Variants in ZNF716 observed in about 807,000 individuals in gnomAD.
ZNF716 encodes the protein zinc finger protein 716.
ZNF716 carries 9 observed loss-of-function variants against 13.4 expected under a neutral mutation model. The ratio of observed to expected loss-of-function variants is 0.67; its 90% confidence interval spans 0.41 to 1.18. The LOEUF is 1.18. Ranked by LOEUF, ZNF716 falls within the 50% of genes most tolerant of loss-of-function variation. The pLI, the probability that ZNF716 is intolerant of heterozygous loss-of-function variation, is 0.01. For missense variants in ZNF716, 581 were observed against 576.6 expected, an observed-to-expected ratio of 1.01 and a Z score of -0.08; for synonymous variants, 186 against 195.2, an observed-to-expected ratio of 0.95 and a Z score of 0.39.
rs1287365136 is a variant in ZNF716, at chr7:57,463,261, C to T, written c.262+93C>T. The stretch of plus-strand genomic sequence containing the variant: ...TTAAAATGTGGTCTGGGGAGCTGTA[C>T]TTCGATGGAAGAGTTTCTGAGAAGC... On this transcript the variant is annotated intron_variant, in intron 3 of 3. Coordinates refer to ENST00000420713, the MANE Select transcript of ZNF716 (RefSeq NM_001159279.1). 7.9e-6 allele frequency: 12 copies of T among 1,525,062 alleles called. No homozygotes were observed. In the African/African-American group the frequency reaches 9.8e-5, roughly 12 times the overall value. The allele number at this position is 1,525,062 out of a possible 1,614,324, so 94.5% of individuals were successfully genotyped here.
At chr7:57,462,755 T>C (rs1431571618) in intron 2 of ZNF716, among the ~76,000 whole-genome samples, 169 bp downstream of exon 2, 2 of 152,220 alleles carry the variant, frequency 1.3e-5, no homozygotes. Context: ...TATCTTGACC[T>C]GAACTTTTCC....
chr7:57,469,337 A>G lies in ZNF716; in HGVS notation c.876A>G (p.Gly292=), dbSNP rs879980000. ...TLTNYKRIHT[G]EKPYTCEECG... ...CTAACTACAAGAGAATTCATACTGGAGAGAAACCCTACACATGTGAAGAAT... is the reference window on the plus strand; with the variant it reads ...CTAACTACAAGAGAATTCATACTGGGGAGAAACCCTACACATGTGAAGAAT... The change falls in exon 4 of 4, where the codon GGA becomes GGG. Residue 292 remains glycine, a synonymous_variant. Coordinates refer to ENST00000420713, the MANE Select transcript of ZNF716 (RefSeq NM_001159279.1). 1 of 1,613,518 alleles carries G rather than the reference A, an allele frequency of 6.2e-7. No individual in the cohort carries two copies. The highest frequency in any genetic ancestry group is 8.5e-7 in the Non-Finnish European group (1 of 1,179,762).
intron 3 of ZNF716, among the ~76,000 whole-genome samples, chr7:57,464,709 C>A (rs576203446): frequency 7.7e-6 from 1 of 129,632 alleles, no homozygotes; most frequent in East Asian, 2.6e-4. Context: ...CTAAGAGTTT[C>A]GTTACTTTTT....
Position 57,470,036 on chromosome 7 carries a change from A to G in ZNF716, c.*87A>G, listed in dbSNP as rs1394357618. ...ACTACAAGTGTGGAGAATGTGGCCA[A>G]TTCTTTAACCAGTTCCAAACCACTG... On this transcript the variant is annotated 3_prime_UTR_variant, in exon 4 of 4. Transcript: ENST00000420713. The G allele has an allele frequency of 7.7e-7, 1 of 1,299,212 alleles. No homozygotes were observed. Among genetic ancestry groups the G allele is most frequent in the Non-Finnish European group, 1.0e-6 (1 of 963,178 alleles). 80.5% of individuals were successfully genotyped at this position (1,299,212 alleles called of 1,614,324 possible).
At chr7:57,466,868 G>T (rs576594328) in intron 3 of ZNF716, among the ~76,000 whole-genome samples, 40 of 151,634 alleles carry the variant, frequency 2.6e-4, no homozygotes, top group African/African-American at 9.4e-4. Context: ...GTCAATATTT[G>T]CTGTATATAA....
At chr7:57,455,015 G>C (rs1477781484) in intron 1 of ZNF716, among the ~76,000 whole-genome samples, 1 of 149,482 alleles carries the variant, frequency 6.7e-6, no homozygotes, top group Non-Finnish European at 1.5e-5. Flanking sequence ...GACAGAGCAA[G>C]ACTCCCTCTC....
At chr7:57,455,770 A>C (rs1789575092) in intron 1 of ZNF716, among the ~76,000 whole-genome samples, 1 of 152,104 alleles carries the variant, frequency 6.6e-6, no homozygotes, top group Non-Finnish European at 1.5e-5. Context: ...CACCTGCCTC[A>C]GCTTCCCAAA....
Position 57,450,263 on chromosome 7 carries a change from T to TGAA in ZNF716, c.-25_-24insAAG, listed in dbSNP as rs782280562. On this transcript the variant is annotated 5_prime_UTR_variant, in exon 1 of 4. Coordinates refer to ENST00000420713, the MANE Select transcript of ZNF716 (RefSeq NM_001159279.1). ...CCTGGAGGCCAAGCCTCTGTGGCCTTGTGTCCTGCAAGTATTCGCAGATTT... is the reference window on the plus strand; with the variant it reads ...CCTGGAGGCCAAGCCTCTGTGGCCTTGAAGTGTCCTGCAAGTATTCGCAGATTT... 1 of 1,613,890 alleles carries TGAA rather than the reference T, an allele frequency of 6.2e-7. No homozygotes were observed. Among genetic ancestry groups the TGAA allele is most frequent in the Non-Finnish European group, 8.5e-7 (1 of 1,179,894 alleles).
At chr7:57,457,981 A>G (rs1370255448) in intron 1 of ZNF716, among the ~76,000 whole-genome samples, 4 of 152,232 alleles carry the variant, frequency 2.6e-5, no homozygotes, top group Non-Finnish European at 4.4e-5. Context: ...TGCAAATGAC[A>G]TGATGTTGTT....
In ZNF716 at chr7:57,471,363, C is replaced by G. The variant is rs1554325264; in HGVS notation, c.*1414C>G. On this transcript the variant is annotated 3_prime_UTR_variant, in exon 4 of 4. Coordinates refer to ENST00000420713, the MANE Select transcript of ZNF716 (RefSeq NM_001159279.1). Reference sequence around the variant, plus strand: ...CCAGGTGGTGGAGGTTGCAGTGAGTCAAGATCACCCCACCATACTCCAGCC... The same window carrying G: ...CCAGGTGGTGGAGGTTGCAGTGAGTGAAGATCACCCCACCATACTCCAGCC... 6.7e-6 allele frequency: 1 copy of G among 149,956 alleles called. No individual in the cohort carries two copies. The highest frequency in any genetic ancestry group is 1.5e-5 in the Non-Finnish European group (1 of 67,762). 9.3% of individuals were successfully genotyped at this position (149,956 alleles called of 1,614,324 possible).
rs1175793617 is a variant in ZNF716 at position 57,470,654 on chromosome 7, TC to T, written c.*707del. The T allele has an allele frequency of 5.9e-5, 9 of 151,956 alleles. No individual in the cohort carries two copies. The highest frequency in any genetic ancestry group is 1.0e-4 in the Non-Finnish European group (7 of 67,970). The allele number at this position is 151,956 out of a possible 1,614,324, so 9.4% of individuals were successfully genotyped here. A position where few individuals can be genotyped will look rare whatever the true frequency, so the allele number is the denominator to read the frequency against. On this transcript the variant is annotated 3_prime_UTR_variant, in exon 4 of 4. Coordinates refer to ENST00000420713, the MANE Select transcript of ZNF716 (RefSeq NM_001159279.1). ...GGAATATGGAAATGTCTTTTAAAAG[TC>T]CTCAAACTTTTTGTTTGAATAAATG...
Position 57,471,852 on chromosome 7 carries a change from TA to T in ZNF716, c.*1909del, listed in dbSNP as rs545877805. The T allele has an allele frequency of 6.1e-3, 924 of 152,232 alleles. 7 individuals carry two copies. The highest frequency in any genetic ancestry group is 0.02 in the African/African-American group (831 of 41,550). The allele number at this position is 152,232 out of a possible 1,614,324, so 9.4% of individuals were successfully genotyped here. A position where few individuals can be genotyped will look rare whatever the true frequency, so the allele number is the denominator to read the frequency against. ...TTACACTAAATCAGAGTGTTGAGTG[TA>T]AAAAAGATATAAATCTAACAATATA... On this transcript the variant is annotated 3_prime_UTR_variant, in exon 4 of 4. Coordinates refer to ENST00000420713, the MANE Select transcript of ZNF716 (RefSeq NM_001159279.1).
chr7:57,454,058 C>T (rs1328686876), intron 1 of ZNF716, among the ~76,000 whole-genome samples: 8 of 152,304 alleles, frequency 5.3e-5, no homozygotes, highest in African/African-American at 1.9e-4. Flanking sequence ...GTCTCGAACT[C>T]CTGACCTCAG....
In ZNF716 at chr7:57,471,921, C is replaced by A. The variant is rs1320735917; in HGVS notation, c.*1972C>A. 1 of 152,014 alleles carries A rather than the reference C, an allele frequency of 6.6e-6. No homozygotes were observed. The highest frequency in any genetic ancestry group is 1.9e-4 in the East Asian group (1 of 5,188). The allele number at this position is 152,014 out of a possible 1,614,324, so 9.4% of individuals were successfully genotyped here. A position where few individuals can be genotyped will look rare whatever the true frequency, so the allele number is the denominator to read the frequency against. ...TTATTTGGAGATTTATAATTACATT[C>A]GAGGTATGCTTCTTTCTTTGTAAAA... On this transcript the variant is annotated 3_prime_UTR_variant, in exon 4 of 4. Transcript: ENST00000420713.
chr7:57,457,003 T>G (rs1789604456), intron 1 of ZNF716, among the ~76,000 whole-genome samples: 1 of 152,114 alleles, frequency 6.6e-6, no homozygotes, highest in Non-Finnish European at 1.5e-5. Flanking sequence ...TCTCATGCAT[T>G]CACAGACAGA....
At chr7:57,467,961 A>C (rs2116423996) in intron 3 of ZNF716, among the ~76,000 whole-genome samples, 1 of 152,128 alleles carries the variant, frequency 6.6e-6, no homozygotes, top group South Asian at 2.1e-4. Flanking sequence ...GTGTTGCCCT[A>C]ATATTTTATA....
chr7:57,466,446 A>G (rs1458930827), intron 3 of ZNF716, among the ~76,000 whole-genome samples: 1 of 151,676 alleles, frequency 6.6e-6, no homozygotes, highest in African/African-American at 2.4e-5. Flanking sequence ...ACTTGGCACA[A>G]TCCCCTTGGT....
intron 1 of ZNF716, among the ~76,000 whole-genome samples, chr7:57,452,895 CT>C (rs1430062831): frequency 2.0e-5 from 3 of 151,968 alleles, no homozygotes; most frequent in Non-Finnish European, 4.4e-5. Context: ...ATATCATCCC[CT>C]GAGTTATTTT....
At chr7:57,454,557 C>T (rs1220498629) in intron 1 of ZNF716, among the ~76,000 whole-genome samples, 1 of 152,114 alleles carries the variant, frequency 6.6e-6, no homozygotes, top group Non-Finnish European at 1.5e-5. Context: ...ATGGAAGAAG[C>T]CTTTATACTG....
Sources: gnomAD v4.1 joint callset for allele counts (sites outside exome capture counted in the v4.1 genomes callset) on GRCh38, gnomAD v4.1.1 for gene constraint, MANE v1.5 for transcripts, NCBI Gene and HGNC (gene_info 2026-07-23, HGNC 2026-07-21) for gene names.